The following ATXN2 variants were observed in gnomAD, a reference collection of about 807,000 sequenced individuals.
ATXN2 encodes the protein ataxin-2.
In ATXN2, 37 loss-of-function variants were observed where a neutral mutation model predicts 138.6. The ratio of observed to expected loss-of-function variants is 0.27; its 90% CI spans 0.21 to 0.35. ATXN2 has a LOEUF of 0.35. Among genes scored for constraint, ATXN2 ranks in the 10% least tolerant of loss-of-function variants. The pLI, the probability that ATXN2 is intolerant of heterozygous loss-of-function variation, is 1.00. For synonymous variants in ATXN2, 549 were observed against 543.7 expected (o/e 1.01, Z -0.13); for missense variants, 1,216 against 1,480.3 (o/e 0.82, Z 2.93).
rs1880125360 is a variant in ATXN2 at position 111,520,949 on chromosome 12, TATCATTGGGATCCC to T, written c.707_720del (p.Trp236TyrfsTer5). 1 of 1,594,304 alleles carries T rather than the reference TATCATTGGGATCCC, an allele frequency of 6.3e-7. No homozygotes were observed. The highest frequency in any genetic ancestry group is 1.1e-5 in the South Asian group (1 of 88,820). On this transcript the variant is annotated frameshift_variant, in exon 7 of 25. Transcript: ENST00000673436. LOFTEE classifies it high-confidence loss of function. ...TAATTTTCTTCATTATATCGAAACATATCATTGGGATCCCATCCATTAGACTAGAAGAAAATGAA... is the reference window on the plus strand; with the variant it reads ...TAATTTTCTTCATTATATCGAAACATATCCATTAGACTAGAAGAAAATGAA...
intron 5 of ATXN2, among the ~76,000 whole-genome samples, chr12:111,547,180 G>C (rs1008832575): frequency 6.6e-6 from 1 of 152,200 alleles, no homozygotes; most frequent in African/African-American, 2.4e-5. Flanking sequence ...TGTAATCCTA[G>C]CACTTTGGGA....
At chr12:111,596,193 G>A (rs1034077994) in intron 1 of ATXN2, among the ~76,000 whole-genome samples, 9 of 142,558 alleles carry the variant, frequency 6.3e-5, no homozygotes, top group Non-Finnish European at 1.2e-4. Context: ...GACAGAGTGA[G>A]ATTCCATCCA....
chr12:111,543,786 A>G (rs1398966149), intron 5 of ATXN2, among the ~76,000 whole-genome samples: 1 of 152,230 alleles, frequency 6.6e-6, no homozygotes, highest in African/African-American at 2.4e-5. Flanking sequence ...ACACCATGAA[A>G]TTACATTAGC....
chr12:111,506,075 G>C (rs1475216385), intron 14 of ATXN2, among the ~76,000 whole-genome samples: 1 of 152,190 alleles, frequency 6.6e-6, no homozygotes, highest in Non-Finnish European at 1.5e-5. Flanking sequence ...TACTCTGAGT[G>C]AAAGAAGCCA....
chr12:111,547,199 T>G (rs573620358), intron 5 of ATXN2, among the ~76,000 whole-genome samples: 4 of 147,104 alleles, frequency 2.7e-5, no homozygotes, highest in Admixed American at 6.7e-5. Context: ...GAGGCCAAGG[T>G]GGGTGGATCA....
At chr12:111,501,669 C>A (rs919077842) in intron 14 of ATXN2, among the ~76,000 whole-genome samples, 1 of 152,190 alleles carries the variant, frequency 6.6e-6, no homozygotes, top group Non-Finnish European at 1.5e-5. Flanking sequence ...TGTGGGCACA[C>A]TGGCAATTTA....
intron 14 of ATXN2, among the ~76,000 whole-genome samples, chr12:111,493,579 T>C (rs1190900958): frequency 6.6e-6 from 1 of 152,024 alleles, no homozygotes; most frequent in Non-Finnish European, 1.5e-5. Context: ...CTACTACTCA[T>C]ATTTTGAGCA....
At chr12:111,530,105 T>C (rs891581951) in intron 5 of ATXN2, among the ~76,000 whole-genome samples, 1 of 152,344 alleles carries the variant, frequency 6.6e-6, no homozygotes, top group African/African-American at 2.4e-5. Context: ...TCTCATTATG[T>C]GTCATCGTTA....
intron 1 of ATXN2, among the ~76,000 whole-genome samples, chr12:111,589,684 A>C (rs1013258849): frequency 1.3e-5 from 2 of 151,776 alleles, no homozygotes; most frequent in African/African-American, 4.8e-5. Flanking sequence ...AGGCATGAGA[A>C]TCATTTGAAC....
chr12:111,502,264 T>C (rs1158379369), intron 14 of ATXN2, among the ~76,000 whole-genome samples: 2 of 152,212 alleles, frequency 1.3e-5, no homozygotes, highest in Non-Finnish European at 2.9e-5. Context: ...GTAGATACTA[T>C]TATTGCCATC....
chr12:111,577,328 C>A (rs1266117607), intron 1 of ATXN2, among the ~76,000 whole-genome samples: 2 of 151,996 alleles, frequency 1.3e-5, no homozygotes, highest in African/African-American at 4.8e-5. Context: ...TGCAGTGGCA[C>A]GATCTCGGCT....
intron 5 of ATXN2, among the ~76,000 whole-genome samples, chr12:111,546,087 G>C (rs1881785745): frequency 6.6e-6 from 1 of 151,992 alleles, no homozygotes; most frequent in African/African-American, 2.4e-5. Context: ...TTCACTAAAT[G>C]TGACAAAGAA....
chr12:111,540,956 C>G (rs1486030408), intron 5 of ATXN2, among the ~76,000 whole-genome samples: 1 of 150,260 alleles, frequency 6.7e-6, no homozygotes, highest in Non-Finnish European at 1.5e-5. Flanking sequence ...TTTGGCCTCC[C>G]AAAGTGCTGG....
intron 20 of ATXN2, chr12:111,468,386 G>A (rs1340155769): frequency 6.6e-6 from 1 of 152,188 alleles, no homozygotes; most frequent in African/African-American, 2.4e-5. Context: ...TATTTAAAAT[G>A]CGTAATCCAC....
At chr12:111,550,952 C>G (rs1882082659) in intron 5 of ATXN2, among the ~76,000 whole-genome samples, 1 of 152,094 alleles carries the variant, frequency 6.6e-6, no homozygotes, top group African/African-American at 2.4e-5. Context: ...CTACAATTTA[C>G]AACAGAATTA....
intron 5 of ATXN2, among the ~76,000 whole-genome samples, chr12:111,532,853 GAAAA>G (rs33992543): frequency 1.6e-5 from 2 of 121,748 alleles, no homozygotes; most frequent in Non-Finnish European, 3.5e-5. Flanking sequence ...TAGGTTTAAG[GAAAA>G]AAAAAAAAAA....
intron 14 of ATXN2, among the ~76,000 whole-genome samples, chr12:111,496,197 A>G (rs1354106848): frequency 6.6e-6 from 1 of 151,988 alleles, no homozygotes; most frequent in Non-Finnish European, 1.5e-5. Context: ...AAAATTCAAA[A>G]AAGTTAAAAT....
At chr12:111,488,895 C>A in intron 14 of ATXN2, 115 bp from the exon 15 acceptor site, 1 of 887,272 alleles carries the variant, frequency 1.1e-6, no homozygotes, top group Non-Finnish European at 1.7e-6. Context: ...CTGAATAAGG[C>A]TTTTTTCATA....
Position 111,598,801 on chromosome 12 carries a change from C to G in ATXN2, c.234G>C (p.Gly78=). The G allele has an allele frequency of 1.4e-6, 2 of 1,397,406 alleles. No homozygotes were observed. Among genetic ancestry groups the G allele is most frequent in the East Asian group, 3.1e-5 (1 of 31,814 alleles). 86.6% of individuals were successfully genotyped at this position (1,397,406 alleles called of 1,614,324 possible). Residue 78 remains glycine, a synonymous_variant, in exon 1 of 25, where the codon GGG becomes GGC. Transcript: ENST00000673436. The surrounding 1 kb of genome is among the most constrained non-coding windows in gnomAD (Gnocchi z 4.5). Reference sequence around the variant, plus strand: ...ACACCCACCTGCCCAGGCCGGGCCTCCCGCCGCCGGAGGTCGCCGCGACCA... The same window carrying G: ...ACACCCACCTGCCCAGGCCGGGCCTGCCGCCGCCGGAGGTCGCCGCGACCA... ...SSVVAATSGG[G]RPGLGRGRNS...
Sources: allele counts gnomAD v4.1 joint callset (sites outside exome capture counted in the v4.1 genomes callset), GRCh38; gene constraint gnomAD v4.1.1; non-coding constraint Gnocchi (gnomAD v3.1); transcripts MANE v1.5; gene names NCBI Gene and HGNC (gene_info 2026-07-23, HGNC 2026-07-21).